C18orf63: variants seen among roughly 807,000 people sequenced by gnomAD.
C18orf63 encodes the protein uncharacterized protein C18orf63.
Under a neutral mutation model 75.3 loss-of-function variants are expected in C18orf63, and 50 were observed. That is an observed-to-expected ratio of 0.66 (90% CI 0.53 to 0.84). The LOEUF is 0.84. C18orf63 is among the 40% of genes least tolerant of loss of function. The pLI, the probability that C18orf63 is intolerant of heterozygous loss-of-function variation, is 0.00. For synonymous variants in C18orf63, 232 were observed against 267.6 expected (o/e 0.87, Z 1.30); for missense variants, 732 against 800.2 (o/e 0.91, Z 1.03).
intron 11 of C18orf63, among the ~76,000 whole-genome samples, chr18:74,349,318 G>T (rs996945780): frequency 1.3e-5 from 2 of 152,148 alleles, no homozygotes; most frequent in Non-Finnish European, 2.9e-5. Context: ...TCTCACGATA[G>T]CATCTGTGCA....
chr18:74,323,223 G>A (rs1322981465), intron 4 of C18orf63, among the ~76,000 whole-genome samples: 1 of 152,168 alleles, frequency 6.6e-6, no homozygotes, highest in Non-Finnish European at 1.5e-5. Context: ...CTTGACTAGA[G>A]CTCCTTTCAT....
Position 74,338,716 on chromosome 18 carries a change from TAA to T in C18orf63, c.506_507del (p.Lys169ArgfsTer3), listed in dbSNP as rs1984431319. 1.5e-6 allele frequency: 2 copies of T among 1,322,058 alleles called. No individual in the cohort carries two copies. Among genetic ancestry groups the T allele is most frequent in the South Asian group, 3.6e-5 (2 of 55,318 alleles). The allele number at this position is 1,322,058 out of a possible 1,614,324, so 81.9% of individuals were successfully genotyped here. ...TACAAATCTTATTTCTATTAAAAGCTAAAAGAGTTTGAGATTTCCCAGAGTAT... is the reference window on the plus strand; with the variant it reads ...TACAAATCTTATTTCTATTAAAAGCTAAGAGTTTGAGATTTCCCAGAGTAT... On this transcript the variant is annotated frameshift_variant and splice_region_variant, in exon 8 of 14. Transcript: ENST00000579455. LOFTEE classifies it high-confidence loss of function.
At chr18:74,316,454 G>GC (rs1195652654) in intron 1 of C18orf63, among the ~76,000 whole-genome samples, 1 of 152,196 alleles carries the variant, frequency 6.6e-6, no homozygotes, top group African/African-American at 2.4e-5. Context: ...TGAACCCCGC[G>GC]CCCCGGGAGG....
chr18:74,354,229 T>C lies in C18orf63; in HGVS notation c.1962T>C (p.Asp654=). ...SSKTSKKHHS[D]TVHYGQSSSS... ...AAACTTCAAAGAAGCATCATTCCGA[T>C]ACTGTGCACTATGGCCAATCCAGTT... The change falls in exon 12 of 14, where the codon GAT becomes GAC. Residue 654 remains aspartate, a synonymous_variant. Coordinates refer to ENST00000579455, the MANE Select transcript of C18orf63 (RefSeq NM_001174123.2). 6.5e-7 allele frequency: 1 copy of C among 1,532,662 alleles called. No individual in the cohort carries two copies. 94.9% of individuals were successfully genotyped at this position (1,532,662 alleles called of 1,614,324 possible). A position where few individuals can be genotyped will look rare whatever the true frequency, so the allele number is the denominator to read the frequency against.
At chr18:74,341,822 GATAA>G (rs1390063892) in intron 8 of C18orf63, among the ~76,000 whole-genome samples, 1 of 151,724 alleles carries the variant, frequency 6.6e-6, no homozygotes, top group Non-Finnish European at 1.5e-5. Flanking sequence ...TGTCATACAT[GATAA>G]ATAATATATA....
intron 6 of C18orf63, 43 bp from the exon 7 acceptor site, chr18:74,330,823 G>A (rs1359493440): frequency 2.8e-6 from 2 of 721,350 alleles, no homozygotes; most frequent in African/African-American, 3.7e-5. Context: ...TAATAGTAGA[G>A]TAATAATTCC....
Position 74,353,573 on chromosome 18 carries a change from G to C in C18orf63, c.1306G>C (p.Val436Leu). The C allele has an allele frequency of 6.5e-7, 1 of 1,536,442 alleles. No individual in the cohort carries two copies. The highest frequency in any genetic ancestry group is 1.4e-5 in the African/African-American group (1 of 73,142). Residue 436 changes from valine (V) to leucine (L), a missense_variant, in exon 12 of 14, where the codon GTA becomes CTA. Val to Leu is a conservative substitution (Grantham distance 32). Around this residue, in one of 3 missense-constraint regions of C18orf63, gnomAD observed 495 missense variants for 508.7 expected, o/e 0.97. Coordinates refer to ENST00000579455, the MANE Select transcript of C18orf63 (RefSeq NM_001174123.2). ...SSQSNITPKFVPVFKNRLLQM... is the reference protein window; with the variant it reads ...SSQSNITPKFLPVFKNRLLQM... ...CCAAAGCAACATCACCCCTAAGTTT[G>C]TACCAGTTTTCAAAAATAGATTGTT...
chr18:74,335,749 A>G (rs571616343), intron 7 of C18orf63, among the ~76,000 whole-genome samples: 1 of 152,246 alleles, frequency 6.6e-6, no homozygotes, highest in African/African-American at 2.4e-5. Flanking sequence ...CCAAGTGCTG[A>G]TGGAAAACAC....
At chr18:74,333,569 C>T (rs1047191343) in intron 7 of C18orf63, among the ~76,000 whole-genome samples, 5 of 152,144 alleles carry the variant, frequency 3.3e-5, no homozygotes, top group African/African-American at 1.2e-4. Flanking sequence ...GGGAAAGGCC[C>T]TTTATAAAAC....
chr18:74,337,853 G>T (rs1984417758), intron 7 of C18orf63, among the ~76,000 whole-genome samples: 1 of 152,236 alleles, frequency 6.6e-6, no homozygotes, highest in African/African-American at 2.4e-5. Context: ...TGGACATGGA[G>T]AAGATGGGTC....
Position 74,353,538 on chromosome 18 carries a change from A to G in C18orf63, c.1271A>G (p.Asn424Ser), listed in dbSNP as rs1224286833. 2.0e-6 allele frequency: 3 copies of G among 1,536,502 alleles called. No homozygotes were observed. The highest frequency in any genetic ancestry group is 1.7e-4 in the Middle Eastern group (1 of 6,014). The change falls in exon 12 of 14, where the codon AAT becomes AGT. Residue 424 changes from asparagine (N) to serine (S), a missense_variant. Transcript: ENST00000579455. ...GGAAATACTCAAGTTCAGCACACAA[A>G]TCTTAGCTCCCAAAGCAACATCACC... ...NRGNTQVQHTNLSSQSNITPK... is the reference protein window; with the variant it reads ...NRGNTQVQHTSLSSQSNITPK...
rs1483120143 is a variant in C18orf63 at position 74,358,336 on chromosome 18, A to G, written c.*1889A>G. The stretch of plus-strand genomic sequence containing the variant: ...GTTTGATTTTTATCTTACAATATTT[A>G]TCCTAATGAAAGTTATAAAAATATA... On this transcript the variant is annotated 3_prime_UTR_variant, in exon 14 of 14. Transcript: ENST00000579455. The G allele has an allele frequency of 6.6e-6, 1 of 152,100 alleles. No homozygotes were observed. The highest frequency in any genetic ancestry group is 6.5e-5 in the Admixed American group (1 of 15,272). 9.4% of individuals were successfully genotyped at this position (152,100 alleles called of 1,614,324 possible). A position where few individuals can be genotyped will look rare whatever the true frequency, so the allele number is the denominator to read the frequency against.
At chr18:74,351,321 A>G (rs1984662799) in intron 11 of C18orf63, among the ~76,000 whole-genome samples, 1 of 152,208 alleles carries the variant, frequency 6.6e-6, no homozygotes, top group Non-Finnish European at 1.5e-5. Flanking sequence ...TGGTCATGGG[A>G]CAATACTCCT....
At chr18:74,328,540 A>G (rs554061232) in intron 5 of C18orf63, among the ~76,000 whole-genome samples, 10 of 152,302 alleles carry the variant, frequency 6.6e-5, no homozygotes, top group Admixed American at 3.9e-4. Context: ...TGACCCAATT[A>G]AGCAATCTCA....
chr18:74,352,975 T>C (rs940021369), intron 11 of C18orf63, among the ~76,000 whole-genome samples: 1 of 152,150 alleles, frequency 6.6e-6, no homozygotes, highest in Non-Finnish European at 1.5e-5. Flanking sequence ...GGTAGCTGTG[T>C]GAATGGTTTT....
At chr18:74,339,661 A>G (rs1984447510) in intron 8 of C18orf63, among the ~76,000 whole-genome samples, 1 of 152,170 alleles carries the variant, frequency 6.6e-6, no homozygotes, top group Admixed American at 6.5e-5. Flanking sequence ...GACAAGAGAA[A>G]GAAATAAAAG....
chr18:74,354,637 G>T lies in C18orf63; in HGVS notation c.*33+91G>T, dbSNP rs1984732704. On this transcript the variant is annotated intron_variant, in intron 13 of 13. Transcript: ENST00000579455. ...GTCCCCAACCTCTTGGTAAAAAGCAGCTACTTTTAAATTCTTTGAAACCGT... is the reference window on the plus strand; with the variant it reads ...GTCCCCAACCTCTTGGTAAAAAGCATCTACTTTTAAATTCTTTGAAACCGT... 6.5e-6 allele frequency: 4 copies of T among 611,020 alleles called. No individual in the cohort carries two copies. In the East Asian group the frequency reaches 1.1e-4, roughly 17 times the overall value. The allele number at this position is 611,020 out of a possible 1,614,324, so 37.8% of individuals were successfully genotyped here.
rs8090367 is a variant in C18orf63 at position 74,316,050 on chromosome 18, C to A, written c.-92C>A. ...CCGCCCTTTCCTCCCCCTGAGGAGA[C>A]GCCTGACGCATCTGCAGTGCAGGAG... is the stretch of plus-strand genomic sequence containing the variant. On this transcript the variant is annotated 5_prime_UTR_variant, in exon 1 of 14. Coordinates refer to ENST00000579455, the MANE Select transcript of C18orf63 (RefSeq NM_001174123.2). The A allele has an allele frequency of 0.27, 41,057 of 152,048 alleles. 6,215 individuals are homozygous for A. Among genetic ancestry groups the A allele is most frequent in the East Asian group, 0.4 (2,044 of 5,118 alleles). The allele number at this position is 152,048 out of a possible 1,614,324, so 9.4% of individuals were successfully genotyped here. A position where few individuals can be genotyped will look rare whatever the true frequency, so the allele number is the denominator to read the frequency against.
At chr18:74,338,060 T>G (rs1237921820) in intron 7 of C18orf63, among the ~76,000 whole-genome samples, 1 of 152,146 alleles carries the variant, frequency 6.6e-6, no homozygotes, top group Non-Finnish European at 1.5e-5. Flanking sequence ...CTTTCACCCA[T>G]TAATACTTTA....
Sources: gnomAD v4.1 joint callset for allele counts (sites outside exome capture counted in the v4.1 genomes callset) on GRCh38, gnomAD v4.1.1 for gene constraint, gnomAD v4.1.1 regional missense constraint, MANE v1.5 for transcripts, NCBI Gene and HGNC (gene_info 2026-07-23, HGNC 2026-07-21) for gene names.